The following RBL2 variants were observed in gnomAD, a reference collection of about 807,000 sequenced individuals.
The protein encoded by RBL2 is retinoblastoma-like protein 2.
Under a neutral mutation model 126.0 loss-of-function variants are expected in RBL2, and 56 were observed. That is an observed-to-expected ratio of 0.44 (90% CI 0.36 to 0.56). RBL2 has a LOEUF of 0.56. RBL2 is among the 20% of genes least tolerant of loss of function. The pLI is 0.00. For synonymous variants in RBL2, 454 were observed against 478.5 expected (o/e 0.95, Z 0.67); for missense variants, 1,229 against 1,398.2 (o/e 0.88, Z 1.93).
At chr16:53,457,887 T>C (rs2058184370) in intron 8 of RBL2, among the ~76,000 whole-genome samples, 1 of 152,182 alleles carries the variant, frequency 6.6e-6, no homozygotes, top group Admixed American at 6.5e-5. Flanking sequence ...CTGTGGGTGA[T>C]GTGGTTATAT....
chr16:53,438,012 G>A (rs796748431), intron 1 of RBL2, among the ~76,000 whole-genome samples: 43 of 152,088 alleles, frequency 2.8e-4, no homozygotes, highest in African/African-American at 9.4e-4. Context: ...GGGTGACACA[G>A]TGAGACTCCA....
At chr16:53,446,235 C>G (rs1375903518) in intron 3 of RBL2, among the ~76,000 whole-genome samples, 1 of 152,190 alleles carries the variant, frequency 6.6e-6, no homozygotes, top group Non-Finnish European at 1.5e-5. Context: ...AAAAGCAGAA[C>G]ACTGACATTT....
At chr16:53,487,477 TG>T (rs1032441012) in intron 21 of RBL2, 4 of 152,222 alleles carry the variant, frequency 2.6e-5, no homozygotes, top group African/African-American at 9.6e-5. Context: ...CTGGAACAAT[TG>T]GATGTGCATA....
In RBL2 at chr16:53,435,780, C is replaced by G; in HGVS notation, c.240+984C>G. On this transcript the variant is annotated intron_variant, in intron 1 of 21. Coordinates refer to ENST00000262133, the MANE Select transcript of RBL2 (RefSeq NM_005611.4). ...AATATGATGTTTTTGGCTATGTGTACTGATGAGTGAGGTTATTTTTAATTT... is the reference window on the plus strand; with the variant it reads ...AATATGATGTTTTTGGCTATGTGTAGTGATGAGTGAGGTTATTTTTAATTT... The G allele has an allele frequency of 3.2e-6, 4 of 1,254,492 alleles. No individual in the cohort carries two copies. In the Admixed American group the frequency reaches 9.3e-5, roughly 29 times the overall value. The allele number at this position is 1,254,492 out of a possible 1,614,324, so 77.7% of individuals were successfully genotyped here.
intron 8 of RBL2, among the ~76,000 whole-genome samples, chr16:53,457,286 G>A (rs1487755658): frequency 2.0e-5 from 1 of 50,754 alleles, no homozygotes; most frequent in Non-Finnish European, 3.9e-5. Flanking sequence ...TTGAGATGGA[G>A]TCTCGCTCTG....
At chr16:53,462,142 A>G (rs958851877) in intron 10 of RBL2, among the ~76,000 whole-genome samples, 1 of 152,138 alleles carries the variant, frequency 6.6e-6, no homozygotes, top group Non-Finnish European at 1.5e-5. Context: ...TCTTCAACAT[A>G]TTGAGAATAA....
chr16:53,468,326 C>T (rs935892739), intron 14 of RBL2, among the ~76,000 whole-genome samples: 2 of 152,060 alleles, frequency 1.3e-5, no homozygotes, highest in African/African-American at 2.4e-5. Flanking sequence ...ATCACTTGAG[C>T]CCCGGAGTTC....
chr16:53,461,353 C>G (rs900608117), intron 9 of RBL2, among the ~76,000 whole-genome samples: 11 of 152,044 alleles, frequency 7.2e-5, no homozygotes, highest in African/African-American at 2.2e-4. Flanking sequence ...ATTAGCTGGG[C>G]GTGGTGGCAG....
At chr16:53,461,262 G>A (rs751893327) in intron 9 of RBL2, among the ~76,000 whole-genome samples, 87 of 152,286 alleles carry the variant, frequency 5.7e-4, no homozygotes, top group Non-Finnish European at 7.6e-4. Context: ...GGAGCCTGAG[G>A]CAAGTGGATC....
At position 53,457,258 on chromosome 16, in the gene RBL2, C is replaced by CTTTTTTTTTTTTTTTTTTTTTTT. The variant is rs756763534; in HGVS notation, c.1180-2174_1180-2173insTTTTTTTTTTTTTTTTTTTTTTT. The stretch of plus-strand genomic sequence containing the variant: ...GGGTCATCAGGGTGGGTACAGATAG[C>CTTTTTTTTTTTTTTTTTTTTTTT]TTTTTTTTTTTTTTTTTTTGAGATG... On this transcript the variant is annotated intron_variant, in intron 8 of 21. Coordinates refer to ENST00000262133, the MANE Select transcript of RBL2 (RefSeq NM_005611.4). Among the ~76,000 whole-genome samples, 25 of 89,934 alleles carry CTTTTTTTTTTTTTTTTTTTTTTT rather than the reference C, an allele frequency of 2.8e-4. 4 individuals carry two copies. The highest frequency in any genetic ancestry group is 8.1e-4 in the South Asian group (2 of 2,472). 59.0% of individuals were successfully genotyped at this position (89,934 alleles called of 152,430 possible). A position where few individuals can be genotyped will look rare whatever the true frequency, so the allele number is the denominator to read the frequency against.
At position 53,491,553 on chromosome 16, in the gene RBL2, G is replaced by A. The variant is rs1961457442; in HGVS notation, c.*1253G>A. 1 of 152,482 alleles carries A rather than the reference G, an allele frequency of 6.6e-6. No homozygotes were observed. The highest frequency in any genetic ancestry group is 1.5e-5 in the Non-Finnish European group (1 of 68,020). The allele number at this position is 152,482 out of a possible 1,614,324, so 9.4% of individuals were successfully genotyped here. A position where few individuals can be genotyped will look rare whatever the true frequency, so the allele number is the denominator to read the frequency against. On this transcript the variant is annotated 3_prime_UTR_variant, in exon 22 of 22. Transcript: ENST00000262133. ...GAACTTACATTGTTCAATTAGAATA[G>A]TGTTCTGCAAAAATATTTATAAAAC...
At chr16:53,448,701 C>T (rs1384911997) in intron 4 of RBL2, 1 of 152,720 alleles carries the variant, frequency 6.5e-6, no homozygotes, top group Non-Finnish European at 1.5e-5. Flanking sequence ...CCAGGGTGGT[C>T]TCGAACTCCT....
chr16:53,474,044 G>A (rs987278168), intron 17 of RBL2, among the ~76,000 whole-genome samples: 3 of 151,888 alleles, frequency 2.0e-5, no homozygotes, highest in African/African-American at 4.8e-5. Context: ...ACAGTGTCTC[G>A]CTCTGTTACC....
At chr16:53,444,154 CAGTAGAATCCCTTGAACCGAG>C (rs1277197898) in intron 3 of RBL2, among the ~76,000 whole-genome samples, 1 of 151,114 alleles carries the variant, frequency 6.6e-6, no homozygotes, top group Admixed American at 6.6e-5. Context: ...GAGGCTGAGT[CAGTAGAATCCCTTGAACCGAG>C]AGGCAGAAGT....
Position 53,467,631 on chromosome 16 carries a change from G to A in RBL2, c.1975+462G>A, listed in dbSNP as rs148132402. Among the ~76,000 whole-genome samples the A allele has an allele frequency of 2.8e-3, 427 of 152,272 alleles. 2 individuals carry two copies. The highest frequency in any genetic ancestry group is 9.6e-3 in the African/African-American group (398 of 41,534). On this transcript the variant is annotated intron_variant, in intron 14 of 21. Coordinates refer to ENST00000262133, the MANE Select transcript of RBL2 (RefSeq NM_005611.4). ...TTGAACTCCTGACCTCAAGTGATCC[G>A]CCTACCTCGTTCTCCCAAAGTGCTG...
intron 21 of RBL2, among the ~76,000 whole-genome samples, chr16:53,483,488 T>C (rs574598434): frequency 6.6e-6 from 1 of 152,228 alleles, no homozygotes; most frequent in East Asian, 1.9e-4. Context: ...CGGTGAGCTA[T>C]GGTCGTGCCA....
At chr16:53,480,840 A>T in intron 20 of RBL2, 71 bp downstream of exon 20, 2 of 1,451,062 alleles carry the variant, frequency 1.4e-6, no homozygotes, top group African/African-American at 2.8e-5. Flanking sequence ...TGATTTATAT[A>T]TGGACCATTC....
chr16:53,451,419 T>A (rs2058113654), intron 4 of RBL2, among the ~76,000 whole-genome samples: 1 of 152,052 alleles, frequency 6.6e-6, no homozygotes, highest in Non-Finnish European at 1.5e-5. Context: ...GACAGGAAGA[T>A]CCCTTGAGCC....
intron 12 of RBL2, chr16:53,464,690 TA>T (rs1201976031): frequency 5.6e-6 from 1 of 180,010 alleles, no homozygotes; most frequent in Non-Finnish European, 1.1e-5. Flanking sequence ...AGCCTTTTTT[TA>T]TTTTATGAAA....
Sources: allele counts gnomAD v4.1 joint callset (sites outside exome capture counted in the v4.1 genomes callset), GRCh38; gene constraint gnomAD v4.1.1; transcripts MANE v1.5; gene names NCBI Gene and HGNC (gene_info 2026-07-23, HGNC 2026-07-21).